The following DAB1 variants were observed in gnomAD, a reference collection of about 807,000 sequenced individuals.
DAB1 encodes the protein DAB adaptor protein 1.
DAB1 carries 15 observed loss-of-function variants against 64.6 expected under a neutral mutation model. The ratio of observed to expected loss-of-function variants is 0.23; its 90% confidence interval spans 0.16 to 0.36. The LOEUF (loss-of-function observed/expected upper bound fraction) is 0.36. DAB1 is among the 10% of genes least tolerant of loss of function. The pLI is 1.00. For synonymous variants in DAB1, 235 were observed against 251.9 expected, an observed-to-expected ratio of 0.93 and a Z score of 0.64; for missense variants, 596 against 706.7, an observed-to-expected ratio of 0.84 and a Z score of 1.78.
intron 7 of DAB1, among the ~76,000 whole-genome samples, chr1:57,643,396 T>C (rs562237899): frequency 2.0e-5 from 3 of 152,322 alleles, no homozygotes; most frequent in Admixed American, 6.5e-5. Context: ...CTCTTACTTA[T>C]AGCTTTTAGT....
intron 3 of DAB1, among the ~76,000 whole-genome samples, chr1:58,454,908 G>A (rs1051961795): frequency 3.9e-5 from 6 of 152,166 alleles, no homozygotes; most frequent in African/African-American, 1.2e-4. Context: ...CACCCCAAGA[G>A]CAGATCTAGC....
intron 5 of DAB1, among the ~76,000 whole-genome samples, chr1:57,964,766 G>C (rs971844433): frequency 6.6e-6 from 1 of 152,076 alleles, no homozygotes; most frequent in African/African-American, 2.4e-5. Context: ...CTATAACATA[G>C]AGCCTGGGAC....
intron 1 of DAB1, among the ~76,000 whole-genome samples, chr1:57,411,116 C>T (rs1054509789): frequency 2.0e-5 from 3 of 152,130 alleles, no homozygotes; most frequent in African/African-American, 7.2e-5. Context: ...TAGTAATCAC[C>T]AAATATCTCT....
intron 7 of DAB1, among the ~76,000 whole-genome samples, chr1:57,596,931 A>G (rs1325066979): frequency 6.6e-6 from 1 of 152,208 alleles, no homozygotes; most frequent in East Asian, 1.9e-4. Flanking sequence ...CAATGTTTAC[A>G]TTCCAGTGCC....
chr1:57,452,906 G>A (rs571201349), intron 7 of DAB1, among the ~76,000 whole-genome samples: 1 of 150,784 alleles, frequency 6.6e-6, no homozygotes, highest in South Asian at 2.1e-4. Context: ...AGAGAGGAAG[G>A]GAAAAATAAA....
chr1:57,630,546 C>T (rs1293702289), intron 7 of DAB1, among the ~76,000 whole-genome samples: 1 of 152,094 alleles, frequency 6.6e-6, no homozygotes, highest in Non-Finnish European at 1.5e-5. Flanking sequence ...GCAAAAGTTA[C>T]TCTGTTTTTA....
intron 9 of DAB1, among the ~76,000 whole-genome samples, chr1:57,034,156 T>G (rs1301715406): frequency 6.6e-6 from 1 of 151,798 alleles, no homozygotes; most frequent in Admixed American, 6.6e-5. Context: ...GGCAGGCGCC[T>G]GTAATCCCAG....
intron 4 of DAB1, among the ~76,000 whole-genome samples, chr1:57,122,034 C>T (rs1656713512): frequency 6.6e-6 from 1 of 152,124 alleles, no homozygotes; most frequent in South Asian, 2.1e-4. Context: ...TGTATTATAT[C>T]TCTATTTTGC....
chr1:57,500,001 G>A (rs1337931896), intron 7 of DAB1, among the ~76,000 whole-genome samples: 1 of 152,130 alleles, frequency 6.6e-6, no homozygotes, highest in Non-Finnish European at 1.5e-5. Flanking sequence ...GTATGTGGAG[G>A]ACATTTAGGG....
intron 7 of DAB1, among the ~76,000 whole-genome samples, chr1:57,577,639 T>C (rs369132261): frequency 6.6e-6 from 1 of 152,154 alleles, no homozygotes; most frequent in East Asian, 1.9e-4. Flanking sequence ...TGAAGCCAAA[T>C]GCCAGCTCTC....
chr1:57,466,648 G>A (rs1407609755), intron 7 of DAB1, among the ~76,000 whole-genome samples: 1 of 152,202 alleles, frequency 6.6e-6, no homozygotes, highest in Non-Finnish European at 1.5e-5. Flanking sequence ...GTCTCACAAG[G>A]CTGAAGTCAA....
chr1:57,527,130 T>G (rs1477376197), intron 7 of DAB1, among the ~76,000 whole-genome samples: 2 of 152,258 alleles, frequency 1.3e-5, no homozygotes, highest in East Asian at 3.9e-4. Flanking sequence ...GCCTCCTTAG[T>G]CTCTGCAAAA....
At chr1:57,625,966 G>C (rs1645917569) in intron 7 of DAB1, among the ~76,000 whole-genome samples, 1 of 152,118 alleles carries the variant, frequency 6.6e-6, no homozygotes, top group South Asian at 2.1e-4. Context: ...TATTAGCATT[G>C]TAATTATATG....
At chr1:58,219,001 C>A (rs577569045) in intron 4 of DAB1, among the ~76,000 whole-genome samples, 8 of 112,080 alleles carry the variant, frequency 7.1e-5, no homozygotes, top group Non-Finnish European at 1.1e-4. Flanking sequence ...CTCTCTCTCT[C>A]TCTCTCTCTC....
chr1:57,449,101 C>G (rs565571775), intron 7 of DAB1, among the ~76,000 whole-genome samples: 1 of 152,254 alleles, frequency 6.6e-6, no homozygotes, highest in South Asian at 2.1e-4. Context: ...AGAAGAGGCA[C>G]AACTTGCCCC....
At chr1:58,106,477 C>T (rs1651647393) in intron 5 of DAB1, among the ~76,000 whole-genome samples, 2 of 152,190 alleles carry the variant, frequency 1.3e-5, no homozygotes, top group South Asian at 2.1e-4. Flanking sequence ...AGCCTTTGTG[C>T]CTGTCCAGTG....
intron 7 of DAB1, among the ~76,000 whole-genome samples, chr1:57,070,046 C>T (rs1557665452): frequency 6.6e-6 from 1 of 152,216 alleles, no homozygotes. Context: ...TACAAATCCT[C>T]GGCCCTCAGC....
At chr1:57,070,498 T>C (rs1388452427) in intron 7 of DAB1, among the ~76,000 whole-genome samples, 1 of 152,216 alleles carries the variant, frequency 6.6e-6, no homozygotes, top group Non-Finnish European at 1.5e-5. Context: ...TTAGGGTCAC[T>C]CTTTCCTTCC....
intron 3 of DAB1, among the ~76,000 whole-genome samples, chr1:58,370,795 C>A (rs1169516834): frequency 6.6e-6 from 1 of 152,092 alleles, no homozygotes; most frequent in East Asian, 1.9e-4. Flanking sequence ...TGGCAGTTTC[C>A]CCTTCACTCT....
Sources: allele counts gnomAD v4.1 joint callset (sites outside exome capture counted in the v4.1 genomes callset), GRCh38; gene constraint gnomAD v4.1.1; transcripts MANE v1.5; gene names NCBI Gene and HGNC (gene_info 2026-07-23, HGNC 2026-07-21).